LAMA1: variants seen among roughly 807,000 people sequenced by gnomAD.
LAMA1 encodes laminin subunit alpha-1.
Under a neutral mutation model 348.7 loss-of-function variants are expected in LAMA1, and 219 were observed. The ratio of observed to expected loss-of-function variants is 0.63; its 90% CI spans 0.56 to 0.70. The LOEUF (loss-of-function observed/expected upper bound fraction) is 0.70, where lower values mean the gene tolerates loss of function less well. LAMA1 is among the 30% of genes least tolerant of loss of function. The pLI is 0.00. For synonymous variants in LAMA1, 1,487 were observed against 1,491.0 expected (o/e 1.00, Z 0.06); for missense variants, 3,744 against 3,888.0 (o/e 0.96, Z 0.99).
intron 48 of LAMA1, among the ~76,000 whole-genome samples, chr18:6,968,546 G>A (rs1245289467): frequency 1.3e-5 from 2 of 152,206 alleles, no homozygotes; most frequent in Non-Finnish European, 2.9e-5. Context: ...GAACGCAGGT[G>A]ACTGACTCGT....
intron 12 of LAMA1, among the ~76,000 whole-genome samples, chr18:7,037,258 G>C (rs980080692): frequency 6.6e-6 from 1 of 152,066 alleles, no homozygotes; most frequent in Non-Finnish European, 1.5e-5. Context: ...TAAACAAAGC[G>C]GGAATGTGAG....
At chr18:7,055,756 C>A (rs140418953) in intron 3 of LAMA1, among the ~76,000 whole-genome samples, 5 of 152,088 alleles carry the variant, frequency 3.3e-5, no homozygotes, top group Non-Finnish European at 5.9e-5. Context: ...ACTTTCCTTT[C>A]GAAGACAATG....
Position 7,012,060 on chromosome 18 carries a change from T to A in LAMA1, c.3442A>T (p.Ser1148Cys), listed in dbSNP as rs762140043. The A allele has an allele frequency of 1.2e-6, 2 of 1,612,742 alleles. No individual in the cohort carries two copies. Among genetic ancestry groups the A allele is most frequent in the Non-Finnish European group, 1.7e-6 (2 of 1,179,388 alleles). ...GACAGCCCGGAGCAGAAGCACGGGC[T>A]GCAGCCCAGGGGGTTGTCTGCGCGG... ...ALRADNPLGC[S>C]PCFCSGLSHL... Residue 1148 changes from serine to cysteine, a missense_variant, in exon 24 of 63, where the codon AGC (serine) becomes TGC (cysteine). Ser to Cys is a moderately radical substitution (Grantham distance 112). Coordinates refer to ENST00000389658, the MANE Select transcript of LAMA1 (RefSeq NM_005559.4).
rs754636264 is a variant in LAMA1, at chr18:6,942,169, A to C, written c.9138T>G (p.Ile3046Met). 6 of 1,614,052 alleles carry C rather than the reference A, an allele frequency of 3.7e-6. No individual in the cohort carries two copies. Among genetic ancestry groups the C allele is most frequent in the Non-Finnish European group, 5.1e-6 (6 of 1,180,048 alleles). Residue 3046 changes from isoleucine to methionine, a missense_variant, in exon 63 of 63, where the codon ATT becomes ATG. Physicochemically the swap from Ile to Met is conservative, Grantham distance 10 (BLOSUM62 1). Around this residue, in one of 3 missense-constraint regions of LAMA1, gnomAD observed 232 missense variants for 264.4 expected, o/e 0.88. Coordinates refer to ENST00000389658, the MANE Select transcript of LAMA1 (RefSeq NM_005559.4). ...CAAAGGACTGCACCTGCGGGCTCTT[A>C]ATCAGAGCTAGCTTCCTCAAACACC... is the stretch of plus-strand genomic sequence containing the variant. The part of the protein sequence containing the change: ...FRGCLRKLAL[I>M]KSPQVQSFDF...
intron 55 of LAMA1, among the ~76,000 whole-genome samples, chr18:6,957,877 T>C (rs1321850152): frequency 6.6e-6 from 1 of 151,660 alleles, no homozygotes; most frequent in East Asian, 1.9e-4. Context: ...GCCTCCCGGG[T>C]TCAAGTGATT....
intron 32 of LAMA1, 47 bp from the exon 33 acceptor site, chr18:6,997,931 G>C: frequency 6.3e-7 from 1 of 1,580,570 alleles, no homozygotes; most frequent in East Asian, 2.2e-5. Flanking sequence ...AATGCGATGT[G>C]GTCTGCCCAT....
chr18:7,014,971 T>C (rs973310265), intron 22 of LAMA1, among the ~76,000 whole-genome samples: 3 of 151,828 alleles, frequency 2.0e-5, no homozygotes, highest in Non-Finnish European at 2.9e-5. Context: ...CTCAGCCTCC[T>C]GAGTAGCTGG....
At chr18:7,044,941 C>T in intron 6 of LAMA1, 102 bp from the exon 7 acceptor site, 1 of 867,898 alleles carries the variant, frequency 1.2e-6, no homozygotes. Context: ...TGGCAAGAAC[C>T]TCACAACAGA....
chr18:7,108,025 AT>A (rs1299939689), intron 1 of LAMA1, among the ~76,000 whole-genome samples: 1 of 147,628 alleles, frequency 6.8e-6, no homozygotes, highest in African/African-American at 2.5e-5. Context: ...AATAAAAAAA[AT>A]AACAAAAAAA....
intron 22 of LAMA1, among the ~76,000 whole-genome samples, chr18:7,014,538 C>T (rs2057876838): frequency 6.6e-6 from 1 of 151,830 alleles, no homozygotes. Context: ...GGGAGGATTG[C>T]TTGAGCCCAA....
At chr18:7,085,413 C>CTTTTTTTTTTTTTTTTTTTTT (rs36122063) in intron 1 of LAMA1, among the ~76,000 whole-genome samples, 24 of 85,268 alleles carry the variant, frequency 2.8e-4, no homozygotes, top group Non-Finnish European at 3.4e-4. Context: ...TCTTCTTCTT[C>CTTTTTTTTTTTTTTTTTTTTT]TTTTTTTTTT....
In LAMA1 at chr18:6,954,540, G is replaced by A. The variant is rs117455031; in HGVS notation, c.8207+813C>T. The A allele has an allele frequency of 7.4e-3, 1,129 of 153,134 alleles. 4 individuals carry two copies. Among genetic ancestry groups the A allele is most frequent in the Middle Eastern group, 0.024 (7 of 296 alleles). The allele number at this position is 153,134 out of a possible 1,614,324, so 9.5% of individuals were successfully genotyped here. On this transcript the variant is annotated intron_variant, in intron 57 of 62. Coordinates refer to ENST00000389658, the MANE Select transcript of LAMA1 (RefSeq NM_005559.4). The stretch of plus-strand genomic sequence containing the variant: ...GTGCTAATAGGAGGCTTTTAAAGTC[G>A]AGACTGTGAGAGGGATGGATACCTG...
intron 1 of LAMA1, among the ~76,000 whole-genome samples, chr18:7,112,863 G>A (rs1044624185): frequency 2.1e-4 from 32 of 152,158 alleles, no homozygotes; most frequent in African/African-American, 7.0e-4. Context: ...TTGAACTCCC[G>A]ACCTCATGTG....
At position 7,034,580 on chromosome 18, in the gene LAMA1, G is replaced by C; in HGVS notation, c.1950C>G (p.Ser650Arg). ...GCTGGTCACGATCAATCTGCCTTTTGCTGTGAAAATCTTGGAAGTTTTCAG... is the reference window on the plus strand; with the variant it reads ...GCTGGTCACGATCAATCTGCCTTTTCCTGTGAAAATCTTGGAAGTTTTCAG... ...LVPENFQDFH[S>R]KRQIDRDQLM... The change falls in exon 14 of 63, where the codon AGC becomes AGG. Residue 650 changes from serine (S) to arginine (R), a missense_variant. By Grantham distance (110) the Ser-to-Arg change is moderately radical. Coordinates refer to ENST00000389658, the MANE Select transcript of LAMA1 (RefSeq NM_005559.4). 1 of 1,614,108 alleles carries C rather than the reference G, an allele frequency of 6.2e-7. No individual in the cohort carries two copies. Among genetic ancestry groups the C allele is most frequent in the Non-Finnish European group, 8.5e-7 (1 of 1,180,010 alleles).
intron 1 of LAMA1, among the ~76,000 whole-genome samples, chr18:7,090,402 G>C (rs761921191): frequency 1.5e-4 from 23 of 152,204 alleles, no homozygotes; most frequent in Admixed American, 2.6e-4. Context: ...ACACCTGGGA[G>C]TATTTTTTTT....
rs1537422 is a variant in LAMA1 at position 7,036,964 on chromosome 18, G to T, written c.1737+614C>A. ...CAGAATCTGGAGAGATGCGGCATAA[G>T]TGGGGAGGGGGGAATGGGAACACAT... On this transcript the variant is annotated intron_variant, in intron 12 of 62. Coordinates refer to ENST00000389658, the MANE Select transcript of LAMA1 (RefSeq NM_005559.4). Among the ~76,000 whole-genome samples, 59 of 152,036 alleles carry T rather than the reference G, an allele frequency of 3.9e-4. 2 individuals carry two copies. The East Asian group carries it at 6.0e-3, about 16-fold the overall frequency.
intron 1 of LAMA1, among the ~76,000 whole-genome samples, chr18:7,113,457 A>G (rs1422618046): frequency 6.6e-6 from 1 of 152,230 alleles, no homozygotes; most frequent in Non-Finnish European, 1.5e-5. Context: ...CTAAACTTAT[A>G]GGGTGGGCCC....
chr18:6,976,670 G>A (rs1389760996), intron 44 of LAMA1, among the ~76,000 whole-genome samples: 2 of 151,868 alleles, frequency 1.3e-5, no homozygotes, highest in Non-Finnish European at 2.9e-5. Context: ...GCAGTGGCGT[G>A]ATCATAGCTC....
At chr18:6,951,982 A>C (rs181216495) in intron 57 of LAMA1, among the ~76,000 whole-genome samples, 55 of 152,286 alleles carry the variant, frequency 3.6e-4, no homozygotes, top group African/African-American at 1.3e-3. Context: ...CCCAGGCCAC[A>C]CAGAGATGTT....
Sources: gnomAD v4.1 joint callset for allele counts (sites outside exome capture counted in the v4.1 genomes callset) on GRCh38, gnomAD v4.1.1 for gene constraint, gnomAD v4.1.1 regional missense constraint, MANE v1.5 for transcripts, NCBI Gene and HGNC (gene_info 2026-07-23, HGNC 2026-07-21) for gene names.